The following PRKAG2 variants were observed in gnomAD, a reference collection of about 807,000 sequenced individuals.
PRKAG2 encodes protein kinase AMP-activated non-catalytic subunit gamma 2.
In PRKAG2, 26 loss-of-function variants were observed where a neutral mutation model predicts 69.6. The ratio of observed to expected loss-of-function variants is 0.37; its 90% CI spans 0.27 to 0.52. PRKAG2 has a LOEUF of 0.52. Among genes scored for constraint, PRKAG2 ranks in the 20% least tolerant of loss-of-function variants. The pLI, the probability that PRKAG2 is intolerant of heterozygous loss-of-function variation, is 0.90. For synonymous variants in PRKAG2, 293 were observed against 285.0 expected (o/e 1.03, Z -0.28); for missense variants, 557 against 740.0 (o/e 0.75, Z 2.87).
At chr7:151,854,982 TGCTCCACACAC>T (rs2079673795) in intron 1 of PRKAG2, among the ~76,000 whole-genome samples, 1 of 20,632 alleles carries the variant, frequency 4.8e-5, no homozygotes, top group Non-Finnish European at 1.0e-4. Flanking sequence ...ACACACACCA[TGCTCCACACAC>T]ACCATGCTCC....
rs142027339 is a variant in PRKAG2 at position 151,819,122 on chromosome 7, C to A, written c.115-32581G>T. ...CCCCTTGGATAAAGAGACAGAGAAT[C>A]TGGCCGGCCCGCAGCCCACCCAGCC... On this transcript the variant is annotated intron_variant, in intron 1 of 15. Transcript: ENST00000287878. Among the ~76,000 whole-genome samples, 160 of 152,306 alleles carry A rather than the reference C, an allele frequency of 1.1e-3. 1 individual carries two copies. Among genetic ancestry groups the A allele is most frequent in the African/African-American group, 3.8e-3 (158 of 41,556 alleles).
In PRKAG2 at chr7:151,781,429, C is replaced by A. The variant is rs1216653645; in HGVS notation, c.189G>T (p.Val63=). ...GGCTGCCCGGGCCGAAGGGGCTGTC[C>A]ACCTGCAGAAAAACAGACGAATGGA... ...EGSGKHSSRK[V]DSPFGPGSPS... Residue 63 remains valine, a splice_region_variant and synonymous_variant, in exon 3 of 16, where the codon GTG becomes GTT. Coordinates refer to ENST00000287878, the MANE Select transcript of PRKAG2 (RefSeq NM_016203.4). The surrounding 1 kb of genome is among the most constrained non-coding windows in gnomAD (Gnocchi z 6.1). 4 of 1,604,598 alleles carry A rather than the reference C, an allele frequency of 2.5e-6. No individual in the cohort carries two copies. The East Asian group carries it at 9.0e-5, about 36-fold the overall frequency.
At position 151,635,866 on chromosome 7, in the gene PRKAG2, ATT is replaced by A. The variant is rs1202730297; in HGVS notation, c.685-3730_685-3729del. The stretch of plus-strand genomic sequence containing the variant: ...AATTCTGTGGAGGAAATGACAATAA[ATT>A]TTTTTTTTTTTTTTTTTGAGACGGA... On this transcript the variant is annotated intron_variant, in intron 4 of 15. Transcript: ENST00000287878. Among the ~76,000 whole-genome samples, 1,061 of 139,752 alleles carry A rather than the reference ATT, an allele frequency of 7.6e-3. 13 individuals are homozygous for A. Among genetic ancestry groups the A allele is most frequent in the African/African-American group, 0.026 (996 of 37,644 alleles). 91.7% of individuals were successfully genotyped at this position (139,752 alleles called of 152,430 possible). A position where few individuals can be genotyped will look rare whatever the true frequency, so the allele number is the denominator to read the frequency against.
intron 3 of PRKAG2, among the ~76,000 whole-genome samples, chr7:151,773,949 G>A (rs1003425142): frequency 2.0e-5 from 3 of 152,188 alleles, no homozygotes; most frequent in African/African-American, 4.8e-5. Flanking sequence ...GGCAGGAGAG[G>A]AACACACAGA....
chr7:151,576,345 AT>A (rs900004705), intron 7 of PRKAG2, 25 bp downstream of exon 7: 6 of 1,551,456 alleles, frequency 3.9e-6, no homozygotes, highest in Non-Finnish European at 4.4e-6. Context: ...TCCATTTTCG[AT>A]TTTCCTCAGG....
At chr7:151,740,481 G>A (rs775005927) in intron 3 of PRKAG2, among the ~76,000 whole-genome samples, 12 of 152,208 alleles carry the variant, frequency 7.9e-5, no homozygotes, top group Non-Finnish European at 1.5e-4. Flanking sequence ...ACCTTTGAAA[G>A]TAGTGTCTTT....
At chr7:151,700,074 GTCATC>G (rs1198799273) in intron 3 of PRKAG2, among the ~76,000 whole-genome samples, 1 of 152,162 alleles carries the variant, frequency 6.6e-6, no homozygotes, top group Non-Finnish European at 1.5e-5. Flanking sequence ...TTTTTGTCCT[GTCATC>G]TCATAGGAAA....
chr7:151,724,135 G>T (rs1439381036), intron 3 of PRKAG2, among the ~76,000 whole-genome samples: 1 of 152,152 alleles, frequency 6.6e-6, no homozygotes, highest in Non-Finnish European at 1.5e-5. Flanking sequence ...GGTCCGGGGG[G>T]TGCTGGTGGG....
intron 1 of PRKAG2, among the ~76,000 whole-genome samples, chr7:151,848,163 T>G (rs1397262764): frequency 6.6e-6 from 1 of 152,208 alleles, no homozygotes. Context: ...TGTTTGTGCC[T>G]CCTACAAAAT....
chr7:151,607,980 C>T (rs181334241), intron 5 of PRKAG2, among the ~76,000 whole-genome samples: 4 of 152,226 alleles, frequency 2.6e-5, no homozygotes, highest in Admixed American at 6.5e-5. Flanking sequence ...GAGGTTATCC[C>T]GGATTAGGGT....
Position 151,687,930 on chromosome 7 carries a change from C to T in PRKAG2, c.467-12293G>A, listed in dbSNP as rs12535723. On this transcript the variant is annotated intron_variant, in intron 3 of 15. Coordinates refer to ENST00000287878, the MANE Select transcript of PRKAG2 (RefSeq NM_016203.4). ...GTCCACCCTCCTCCCCAACGGGGCT[C>T]CCTCGGCCAGCTGCCAAGGGTGTAT... Among the ~76,000 whole-genome samples, 1,155 of 152,078 alleles carry T rather than the reference C, an allele frequency of 7.6e-3. 10 individuals carry two copies. Among genetic ancestry groups the T allele is most frequent in the Middle Eastern group, 0.01 (3 of 294 alleles).
chr7:151,713,450 CTTT>C (rs528264620), intron 3 of PRKAG2, among the ~76,000 whole-genome samples: 176 of 152,146 alleles, frequency 1.2e-3, no homozygotes, highest in African/African-American at 3.7e-3. Context: ...GCAGTATTTT[CTTT>C]TTTTACTTTT....
chr7:151,694,101 C>G (rs536371201), intron 3 of PRKAG2, among the ~76,000 whole-genome samples: 1 of 152,100 alleles, frequency 6.6e-6, no homozygotes, highest in Non-Finnish European at 1.5e-5. Flanking sequence ...CTTGAACTCC[C>G]GACCTCGAGT....
intron 3 of PRKAG2, chr7:151,734,268 C>A (rs1321610777): frequency 6.6e-6 from 1 of 152,190 alleles, no homozygotes; most frequent in East Asian, 1.9e-4. Flanking sequence ...TTCTGCTCTT[C>A]CAGTTTTCAT....
At chr7:151,795,818 G>A (rs1157881334) in intron 1 of PRKAG2, among the ~76,000 whole-genome samples, 1 of 122,230 alleles carries the variant, frequency 8.2e-6, no homozygotes, top group African/African-American at 3.6e-5. Flanking sequence ...TCCGACCAAC[G>A]CATGAGTCAA....
At chr7:151,784,885 C>A (rs1192498768) in intron 2 of PRKAG2, among the ~76,000 whole-genome samples, 1 of 152,196 alleles carries the variant, frequency 6.6e-6, no homozygotes. Context: ...CCTGTCTGAC[C>A]CCTCTCACCG....
At chr7:151,833,598 G>A (rs2079085900) in intron 1 of PRKAG2, among the ~76,000 whole-genome samples, 1 of 152,198 alleles carries the variant, frequency 6.6e-6, no homozygotes, top group African/African-American at 2.4e-5. Flanking sequence ...GGACGCTCCA[G>A]AAACCCATCT....
At chr7:151,690,914 T>G (rs182864694) in intron 3 of PRKAG2, among the ~76,000 whole-genome samples, 31 of 152,364 alleles carry the variant, frequency 2.0e-4, no homozygotes, top group African/African-American at 7.0e-4. Context: ...CGCTATCCCA[T>G]GGGGCCTGGT....
At chr7:151,582,785 G>A (rs1466734943) in intron 6 of PRKAG2, among the ~76,000 whole-genome samples, 20 of 152,196 alleles carry the variant, frequency 1.3e-4, no homozygotes, top group South Asian at 4.1e-4. Flanking sequence ...GCTTTCTCGC[G>A]GGCTCCTTGG....
Sources: allele counts gnomAD v4.1 joint callset (sites outside exome capture counted in the v4.1 genomes callset), GRCh38; gene constraint gnomAD v4.1.1; non-coding constraint Gnocchi (gnomAD v3.1); transcripts MANE v1.5; gene names NCBI Gene and HGNC (gene_info 2026-07-23, HGNC 2026-07-21).